Variants in SYNE1 observed in about 807,000 individuals in gnomAD.
SYNE1 encodes the protein spectrin repeat containing nuclear envelope protein 1, also known as nesprin-1.
A neutral mutation model predicts 1,111.0 loss-of-function variants in SYNE1; 616 were observed. The observed-to-expected ratio is 0.55, with a 90% CI of 0.52 to 0.59. The LOEUF is 0.59. Ranked by LOEUF, SYNE1 falls within the 20% of genes least tolerant of loss-of-function variation. The pLI, the probability that SYNE1 is intolerant of heterozygous loss-of-function variation, is 0.00. For missense variants in SYNE1, 10,006 were observed against 10,417.0 expected, an observed-to-expected ratio of 0.96 and a Z score of 1.72; for synonymous variants, 3,855 against 3,825.8, an observed-to-expected ratio of 1.01 and a Z score of -0.28.
At chr6:152,604,091 A>G (rs1425972493) in intron 3 of SYNE1, among the ~76,000 whole-genome samples, 1 of 151,654 alleles carries the variant, frequency 6.6e-6, no homozygotes, top group East Asian at 1.9e-4. Context: ...TAGATATAAA[A>G]GAGTGATGAG....
intron 11 of SYNE1, 132 bp from the exon 12 acceptor site, chr6:152,488,635 C>A: frequency 1.6e-6 from 1 of 608,758 alleles, no homozygotes; most frequent in South Asian, 2.2e-5. Context: ...TTTCCTTTCT[C>A]CTTACCCCCA....
chr6:152,136,987 A>C (rs909060330), intron 140 of SYNE1, among the ~76,000 whole-genome samples, 169 bp from the exon 141 acceptor site: 12 of 152,178 alleles, frequency 7.9e-5, no homozygotes, highest in African/African-American at 2.4e-4. Context: ...GGCAGTTGGA[A>C]GAAATGAATT....
rs76960790 is a variant in SYNE1 at position 152,631,930 on chromosome 6, C to T, written c.-223-3376G>A. ...ATTTCTTCATTACCCCTTCACATCACCCCTCTGAAGAACACTTTCAGCTGA... is the reference window on the plus strand; with the variant it reads ...ATTTCTTCATTACCCCTTCACATCATCCCTCTGAAGAACACTTTCAGCTGA... On this transcript the variant is annotated intron_variant, in intron 2 of 145. Coordinates refer to ENST00000367255, the MANE Select transcript of SYNE1 (RefSeq NM_182961.4). Among the ~76,000 whole-genome samples, 21 of 152,248 alleles carry T rather than the reference C, an allele frequency of 1.4e-4. 1 individual carries two copies. The East Asian group carries it at 4.1e-3, about 29-fold the overall frequency.
chr6:152,326,355 C>T lies in SYNE1; in HGVS notation c.15234G>A (p.Leu5078=), dbSNP rs755299570. 5.0e-6 allele frequency: 8 copies of T among 1,614,170 alleles called. No individual in the cohort carries two copies. Among genetic ancestry groups the T allele is most frequent in the Non-Finnish European group, 6.8e-6 (8 of 1,180,018 alleles). ...GGCTCATCCTCTGGCTCCTGAGTTC[C>T]AGAGAAGCCACTTTCTGTTCTAGGT... The part of the protein sequence containing the change: ...KEDLEQKVAS[L]ELRSQRMSRD... Residue 5078 remains leucine (L), a synonymous_variant, in exon 79 of 146, where the codon CTG becomes CTA. Coordinates refer to ENST00000367255, the MANE Select transcript of SYNE1 (RefSeq NM_182961.4).
At chr6:152,234,326 G>A (rs542042473) in intron 111 of SYNE1, among the ~76,000 whole-genome samples, 4 of 151,624 alleles carry the variant, frequency 2.6e-5, no homozygotes, top group Admixed American at 6.6e-5. Context: ...GGAGTCGCTC[G>A]CTCTGTTGCC....
chr6:152,482,516 T>C (rs2098912125), intron 14 of SYNE1, among the ~76,000 whole-genome samples: 1 of 152,170 alleles, frequency 6.6e-6, no homozygotes. Flanking sequence ...AAAAACGGCA[T>C]TTTTAGTTAG....
chr6:152,417,521 C>CAAACAAACA (rs139258214), intron 40 of SYNE1, among the ~76,000 whole-genome samples: 1 of 151,644 alleles, frequency 6.6e-6, no homozygotes, highest in African/African-American at 2.4e-5. Flanking sequence ...AACAAACAAA[C>CAAACAAACA]AAACACAACT....
chr6:152,259,957 G>A (rs1409136091), intron 101 of SYNE1, among the ~76,000 whole-genome samples: 1 of 152,172 alleles, frequency 6.6e-6, no homozygotes, highest in African/African-American at 2.4e-5. Context: ...TCCAGGTATT[G>A]TGGAATGTCA....
intron 3 of SYNE1, among the ~76,000 whole-genome samples, chr6:152,598,892 GATGTTTTGCTGCTGTTC>G (rs1554983961): frequency 1.8e-4 from 27 of 152,152 alleles, no homozygotes; most frequent in Non-Finnish European, 4.0e-4. Flanking sequence ...TGTTAATCCA[GATGTTTTGCTGCTGTTC>G]ATCTTTGTCA....
chr6:152,542,577 T>G (rs1354134364), intron 3 of SYNE1, among the ~76,000 whole-genome samples: 1 of 152,120 alleles, frequency 6.6e-6, no homozygotes, highest in Admixed American at 6.6e-5. Flanking sequence ...ATGCCCATTT[T>G]ACATATAAAA....
At chr6:152,355,923 A>C (rs895650025) in intron 66 of SYNE1, among the ~76,000 whole-genome samples, 2 of 152,220 alleles carry the variant, frequency 1.3e-5, no homozygotes, top group African/African-American at 4.8e-5. Context: ...TTTTCTTCAA[A>C]TATGATGTCA....
intron 3 of SYNE1, among the ~76,000 whole-genome samples, chr6:152,555,575 T>C (rs1349806050): frequency 6.6e-6 from 1 of 152,204 alleles, no homozygotes; most frequent in Admixed American, 6.5e-5. Context: ...TGTATCTTCA[T>C]TGTTAAGCAA....
intron 127 of SYNE1, among the ~76,000 whole-genome samples, chr6:152,197,659 CT>C (rs1034695485): frequency 4.6e-5 from 7 of 151,982 alleles, no homozygotes; most frequent in Non-Finnish European, 8.8e-5. Context: ...GAAAGAAAGC[CT>C]TTTTTTTCTG....
At chr6:152,496,412 C>T (rs2098999642) in intron 11 of SYNE1, among the ~76,000 whole-genome samples, 1 of 152,196 alleles carries the variant, frequency 6.6e-6, no homozygotes, top group African/African-American at 2.4e-5. Context: ...CACTCTCTAA[C>T]TGGATGTCCT....
At chr6:152,418,791 G>C (rs2098207954) in intron 40 of SYNE1, among the ~76,000 whole-genome samples, 1 of 152,124 alleles carries the variant, frequency 6.6e-6, no homozygotes, top group Non-Finnish European at 1.5e-5. Flanking sequence ...CATCTCACTT[G>C]GAAAGACTGT....
At chr6:152,304,065 GAT>G (rs879391658) in intron 91 of SYNE1, among the ~76,000 whole-genome samples, 23 of 152,326 alleles carry the variant, frequency 1.5e-4, no homozygotes, top group Non-Finnish European at 2.6e-4. Flanking sequence ...TTAAAACAAG[GAT>G]TTAAAAAGTA....
intron 104 of SYNE1, among the ~76,000 whole-genome samples, chr6:152,250,333 A>C (rs915175189): frequency 6.6e-6 from 1 of 152,192 alleles, no homozygotes; most frequent in Non-Finnish European, 1.5e-5. Context: ...ATAGTCAGCA[A>C]AAATATATTT....
chr6:152,564,940 T>C (rs931961425), intron 3 of SYNE1, among the ~76,000 whole-genome samples: 6 of 152,240 alleles, frequency 3.9e-5, no homozygotes, highest in Non-Finnish European at 8.8e-5. Flanking sequence ...AGATATTTTA[T>C]GTAAATGCTG....
intron 90 of SYNE1, 58 bp from the exon 91 acceptor site, chr6:152,308,690 G>T (rs2095456253): frequency 6.4e-7 from 1 of 1,552,614 alleles, no homozygotes; most frequent in Non-Finnish European, 8.7e-7. Context: ...CCAATAACTA[G>T]GTAAGTGATT....
Sources: allele counts gnomAD v4.1 joint callset (sites outside exome capture counted in the v4.1 genomes callset), GRCh38; gene constraint gnomAD v4.1.1; transcripts MANE v1.5; gene names NCBI Gene and HGNC (gene_info 2026-07-23, HGNC 2026-07-21).